Variants in MTHFD1L observed in about 807,000 individuals in gnomAD.
The protein encoded by MTHFD1L is methylenetetrahydrofolate dehydrogenase (NADP+ dependent) 1 like.
MTHFD1L carries 81 observed loss-of-function variants against 119.5 expected under a neutral mutation model. That is an observed-to-expected ratio of 0.68 (90% CI 0.57 to 0.82). The LOEUF (loss-of-function observed/expected upper bound fraction) is 0.82. MTHFD1L is among the 40% of genes least tolerant of loss of function. MTHFD1L has a pLI of 0.00. For synonymous variants in MTHFD1L, 430 were observed against 475.2 expected, an observed-to-expected ratio of 0.90 and a Z score of 1.24; for missense variants, 1,125 against 1,253.4, an observed-to-expected ratio of 0.90 and a Z score of 1.55.
At chr6:150,962,824 C>T (rs1796628828) in intron 18 of MTHFD1L, among the ~76,000 whole-genome samples, 2 of 152,182 alleles carry the variant, frequency 1.3e-5, no homozygotes, top group South Asian at 4.1e-4. Context: ...AGGAAAACTA[C>T]TCCTCTTCTT....
chr6:150,877,212 C>T (rs993158364), intron 2 of MTHFD1L, among the ~76,000 whole-genome samples: 26 of 152,172 alleles, frequency 1.7e-4, no homozygotes, highest in South Asian at 4.1e-4. Context: ...ACCATCACGC[C>T]GGGCTAATGT....
At chr6:151,092,178 GA>G (rs1794513724) in intron 26 of MTHFD1L, among the ~76,000 whole-genome samples, 1 of 152,102 alleles carries the variant, frequency 6.6e-6, no homozygotes, top group Non-Finnish European at 1.5e-5. Flanking sequence ...ATTTTATTGA[GA>G]AGAAAAGGTT....
At chr6:151,009,392 T>C (rs1781897517) in intron 20 of MTHFD1L, among the ~76,000 whole-genome samples, 1 of 151,256 alleles carries the variant, frequency 6.6e-6, no homozygotes, top group East Asian at 2.0e-4. Context: ...AATAAAAAAT[T>C]AGCCAGGTGT....
intron 11 of MTHFD1L, chr6:150,935,221 G>T (rs1791849133): frequency 1.9e-6 from 3 of 1,611,812 alleles, no homozygotes; most frequent in Middle Eastern, 2.2e-4. Flanking sequence ...TAAGGCCACT[G>T]TGGAAGTCAT....
chr6:150,908,555 A>T (rs1486656151), intron 8 of MTHFD1L, among the ~76,000 whole-genome samples: 1 of 150,736 alleles, frequency 6.6e-6, no homozygotes, highest in Non-Finnish European at 1.5e-5. Flanking sequence ...TGAACCCAGG[A>T]GGTGGAGGTT....
rs1436096628 is a variant in MTHFD1L, at chr6:151,049,612, A to ACATCCT, written c.2847+12495_2847+12496insCATCCT. Among the ~76,000 whole-genome samples, 30 of 149,960 alleles carry ACATCCT rather than the reference A, an allele frequency of 2.0e-4. 1 individual carries two copies. The highest frequency in any genetic ancestry group is 1.9e-4 in the Non-Finnish European group (13 of 67,604). ...AGGAGGCGGAAGTTGCAGTGAGTTG[A>ACATCCT]GATCCTGCCACTGCACTCCAGCCTG... On this transcript the variant is annotated intron_variant, in intron 26 of 27. Transcript: ENST00000367321.
chr6:151,101,379 G>C (rs998535877), intron 27 of MTHFD1L, 147 bp from the exon 28 acceptor site: 34 of 152,142 alleles, frequency 2.2e-4, no homozygotes, highest in African/African-American at 7.2e-4. Context: ...TCCAAACACA[G>C]ATCAGCCTTA....
intron 11 of MTHFD1L, among the ~76,000 whole-genome samples, chr6:150,927,077 CTTGTAA>C (rs1356956482): frequency 6.6e-6 from 1 of 152,100 alleles, no homozygotes; most frequent in Middle Eastern, 3.2e-3. Flanking sequence ...AGAGACATTT[CTTGTAA>C]TTGGAATTGA....
At chr6:150,972,186 T>C in intron 20 of MTHFD1L, 128 bp downstream of exon 20, 1 of 790,802 alleles carries the variant, frequency 1.3e-6, no homozygotes, top group Non-Finnish European at 2.0e-6. Context: ...TCATAGAGGG[T>C]CTCAATAATG....
chr6:150,968,718 G>A (rs548356720), intron 19 of MTHFD1L, among the ~76,000 whole-genome samples: 7 of 151,446 alleles, frequency 4.6e-5, no homozygotes, highest in South Asian at 2.1e-4. Context: ...GTTTCACCAC[G>A]TTGGCCAGGC....
At chr6:150,959,364 T>A in intron 17 of MTHFD1L, 1 of 217,772 alleles carries the variant, frequency 4.6e-6, no homozygotes, top group Non-Finnish European at 7.8e-6. Flanking sequence ...AGAAGAGAAT[T>A]AAGCTGGGGC....
chr6:150,866,646 G>GC, intron 1 of MTHFD1L: 1 of 1,202,774 alleles, frequency 8.3e-7, no homozygotes, highest in Non-Finnish European at 1.0e-6. Context: ...GTGGAGCCGG[G>GC]CCCCCGGGAC....
chr6:151,030,736 G>A (rs1286011849), intron 24 of MTHFD1L, among the ~76,000 whole-genome samples: 1 of 152,190 alleles, frequency 6.6e-6, no homozygotes, highest in Non-Finnish European at 1.5e-5. Flanking sequence ...AGGAAATATA[G>A]AAATATTCAT....
chr6:151,028,151 C>A (rs1488539401), intron 24 of MTHFD1L, among the ~76,000 whole-genome samples: 3 of 152,170 alleles, frequency 2.0e-5, no homozygotes, highest in African/African-American at 4.8e-5. Flanking sequence ...ATTCGTACTA[C>A]TGGCCCCTCA....
chr6:150,907,865 T>C (rs2128856076), intron 8 of MTHFD1L, among the ~76,000 whole-genome samples: 1 of 152,146 alleles, frequency 6.6e-6, no homozygotes, highest in South Asian at 2.1e-4. Flanking sequence ...GTGTCCAGAA[T>C]AGTACCTGAC....
rs541123453 is a variant in MTHFD1L at position 150,985,441 on chromosome 6, C to T, written c.2125+13383C>T. 2.0e-4 allele frequency among the ~76,000 whole-genome samples: 30 copies of T among 151,856 alleles called. No homozygotes were observed. The South Asian group carries it at 4.2e-3, about 21-fold the overall frequency. The stretch of plus-strand genomic sequence containing the variant: ...CTGTAATCCCAGCACTTTGGGAGGC[C>T]GAGGCGGGTGGATCACTTGAGACCA... On this transcript the variant is annotated intron_variant, in intron 20 of 27. Transcript: ENST00000367321.
intron 27 of MTHFD1L, chr6:151,099,412 G>A: frequency 1.4e-6 from 1 of 725,170 alleles, no homozygotes; most frequent in Non-Finnish European, 2.4e-6. Flanking sequence ...AGGGATACCA[G>A]AGCCACTACA....
chr6:151,078,052 CAA>C (rs71014538), intron 26 of MTHFD1L, among the ~76,000 whole-genome samples: 62 of 59,928 alleles, frequency 1.0e-3, no homozygotes, highest in African/African-American at 3.4e-3. Flanking sequence ...GACTCTGTCT[CAA>C]AAAAAAAAAA....
chr6:150,904,845 C>CA (rs1013747472), intron 7 of MTHFD1L, among the ~76,000 whole-genome samples: 3 of 151,808 alleles, frequency 2.0e-5, no homozygotes, highest in Non-Finnish European at 2.9e-5. Context: ...TTTCTTAGGG[C>CA]AAAAAAATGA....
Sources: gnomAD v4.1 joint callset for allele counts (sites outside exome capture counted in the v4.1 genomes callset) on GRCh38, gnomAD v4.1.1 for gene constraint, MANE v1.5 for transcripts, NCBI Gene and HGNC (gene_info 2026-07-23, HGNC 2026-07-21) for gene names.